Variants in MUC5AC observed in about 807,000 individuals in gnomAD.
The protein encoded by MUC5AC is mucin-5AC.
Under a neutral mutation model 169.7 loss-of-function variants are expected in MUC5AC, and 158 were observed. That is an observed-to-expected ratio of 0.93 (90% CI 0.82 to 1.06). The LOEUF (loss-of-function observed/expected upper bound fraction) is 1.06, where lower values mean the gene tolerates loss of function less well. MUC5AC is among the 50% of genes least tolerant of loss of function. The probability of loss-of-function intolerance (pLI) is 0.00; values close to 1 mark genes in which losing one functional copy is unlikely to be tolerated. For missense variants in MUC5AC, 4,359 were observed against 3,089.9 expected (o/e 1.41, Z -9.74); for synonymous variants, 1,975 against 1,237.0 (o/e 1.60, Z -12.52).
chr11:1,177,175 C>G, intron 22 of MUC5AC, 56 bp from the exon 23 acceptor site: 1 of 398,894 alleles, frequency 2.5e-6, no homozygotes, highest in Non-Finnish European at 4.4e-6. Flanking sequence ...GCCTCATCCT[C>G]CTTGCGGGAA....
rs1860754209 is a variant in MUC5AC at position 1,179,204 on chromosome 11, A to G, written c.3440A>G (p.His1147Arg). 16 of 676,674 alleles carry G rather than the reference A, an allele frequency of 2.4e-5. No individual in the cohort carries two copies. In the East Asian group the frequency reaches 4.3e-4, roughly 18 times the overall value. The allele number at this position is 676,674 out of a possible 1,614,324, so 41.9% of individuals were successfully genotyped here. A position where few individuals can be genotyped will look rare whatever the true frequency, so the allele number is the denominator to read the frequency against. ...TAVAAYAQAC[H>R]EVGLCVSWRT... ...GTGGCCGCCTACGCCCAGGCCTGCCATGAAGTAGGCCTGTGTGTGTCCTGG... is the reference window on the plus strand; with the variant it reads ...GTGGCCGCCTACGCCCAGGCCTGCCGTGAAGTAGGCCTGTGTGTGTCCTGG... Residue 1147 changes from histidine to arginine, a missense_variant, in exon 26 of 49, where the codon CAT (histidine) becomes CGT (arginine). Physicochemically the swap from His to Arg is conservative, Grantham distance 29. Transcript: ENST00000621226.
intron 43 of MUC5AC, among the ~76,000 whole-genome samples, chr11:1,198,516 C>T (rs201324064): frequency 1.3e-5 from 2 of 152,098 alleles, no homozygotes; most frequent in Non-Finnish European, 2.9e-5. Flanking sequence ...GCCTGCCTGG[C>T]TCCGGGGGGC....
rs1469279328 is a variant in MUC5AC at position 1,161,562 on chromosome 11, C to CT, written c.188dup (p.Arg64GlufsTer56). The CT allele has an allele frequency of 6.2e-7, 1 of 1,610,450 alleles. No individual in the cohort carries two copies. Among genetic ancestry groups the CT allele is most frequent in the Non-Finnish European group, 8.5e-7 (1 of 1,178,468 alleles). ...CCGTGGGGCGACTGTCTTCCCATCT[C>CT]TGAGGACCATCCCTGTGGTACGAGG... is the stretch of plus-strand genomic sequence containing the variant. On this transcript the variant is annotated frameshift_variant, in exon 3 of 49. Coordinates refer to ENST00000621226, the MANE Select transcript of MUC5AC (RefSeq NM_001304359.2). LOFTEE classifies it high-confidence loss of function.
In MUC5AC at chr11:1,160,529, G is replaced by A. The variant is rs968209068; in HGVS notation, c.74-83G>A. 4.9e-6 allele frequency: 6 copies of A among 1,215,514 alleles called. No individual in the cohort carries two copies. In the East Asian group the frequency reaches 1.5e-4, roughly 31 times the overall value. 75.3% of individuals were successfully genotyped at this position (1,215,514 alleles called of 1,614,324 possible). Reference sequence around the variant, plus strand: ...CGCACTGTGGCCTCCCGTCCCTCTGGTGTCCATGCTGCATCTGTGGCCGCA... The same window carrying A: ...CGCACTGTGGCCTCCCGTCCCTCTGATGTCCATGCTGCATCTGTGGCCGCA... On this transcript the variant is annotated intron_variant, in intron 1 of 48. Coordinates refer to ENST00000621226, the MANE Select transcript of MUC5AC (RefSeq NM_001304359.2).
chr11:1,181,549 C>T (rs1274310636), intron 30 of MUC5AC, 90 bp downstream of exon 30: 3 of 397,786 alleles, frequency 7.5e-6, no homozygotes, highest in Non-Finnish European at 1.3e-5. Context: ...GTCACAGCAG[C>T]TCTGGGCATG....
At position 1,194,512 on chromosome 11, in the gene MUC5AC, G is replaced by T; in HGVS notation, c.15032G>T (p.Ser5011Ile). 1 of 762,374 alleles carries T rather than the reference G, an allele frequency of 1.3e-6. No individual in the cohort carries two copies. The allele number at this position is 762,374 out of a possible 1,614,324, so 47.2% of individuals were successfully genotyped here. Residue 5011 changes from serine to isoleucine, a missense_variant, in exon 35 of 49, where the codon AGC becomes ATC. Ser to Ile is a moderately radical substitution (Grantham distance 142, BLOSUM62 -2). Transcript: ENST00000621226. Reference protein sequence around the residue: ...NEIIFNNKVVSPGFRKNGIVV... With the variant: ...NEIIFNNKVVIPGFRKNGIVV... The stretch of plus-strand genomic sequence containing the variant: ...ATCATCTTCAACAACAAGGTGGTCA[G>T]CCCCGGCTTCCGGAAAAACGGCATC...
chr11:1,200,573 C>A lies in MUC5AC; in HGVS notation c.16836C>A (p.Cys5612Ter). The change falls in exon 49 of 49, where the codon TGC becomes TGA. Residue 5612 changes from cysteine to a stop codon, truncating the protein, a stop_gained. Coordinates refer to ENST00000621226, the MANE Select transcript of MUC5AC (RefSeq NM_001304359.2). LOFTEE classifies it low-confidence loss of function (END_TRUNC). Reference protein sequence around the residue: ...RAFSYTEVEECGCMGRRCPAP... With the variant: ...RAFSYTEVEE ...TCAGCTACACCGAGGTGGAAGAGTG[C>A]GGCTGCATGGGCCGGCGGTGCCCTG... 1 of 764,554 alleles carries A rather than the reference C, an allele frequency of 1.3e-6. No homozygotes were observed. Among genetic ancestry groups the A allele is most frequent in the East Asian group, 2.4e-5 (1 of 41,210 alleles). 47.4% of individuals were successfully genotyped at this position (764,554 alleles called of 1,614,324 possible).
At chr11:1,176,791 C>T (rs1029874224) in intron 21 of MUC5AC, 126 bp downstream of exon 21, 13 of 398,504 alleles carry the variant, frequency 3.3e-5, no homozygotes, top group African/African-American at 1.6e-4. Flanking sequence ...CAGGGCTGGA[C>T]GCCACCAGCA....
Position 1,169,006 on chromosome 11 carries a change from G to T in MUC5AC, c.1850G>T (p.Cys617Phe). ...ATCAGGAACAGCTTCGAGGACCCCTGCTCTCTGAGCGTGGAGAATGGTACG... is the reference window on the plus strand; with the variant it reads ...ATCAGGAACAGCTTCGAGGACCCCTTCTCTCTGAGCGTGGAGAATGGTACG... The part of the protein sequence containing the change: ...PNIRNSFEDP[C>F]SLSVENEKYA... The change falls in exon 15 of 49, where the codon TGC becomes TTC. Residue 617 changes from cysteine (C) to phenylalanine (F), a missense_variant. By Grantham distance (205) the Cys-to-Phe change is radical. Coordinates refer to ENST00000621226, the MANE Select transcript of MUC5AC (RefSeq NM_001304359.2). 6.3e-7 allele frequency: 1 copy of T among 1,598,178 alleles called. No individual in the cohort carries two copies. The highest frequency in any genetic ancestry group is 8.5e-7 in the Non-Finnish European group (1 of 1,171,636).
rs1860981385 is a variant in MUC5AC, at chr11:1,187,465, G to A, written c.9320G>A (p.Ser3107Asn). Reference protein sequence around the residue: ...TTSTTSAPTTSTTSASTASKT... With the variant: ...TTSTTSAPTTNTTSASTASKT... ...AGCACAACGTCTGCTCCTACAACCAGCACAACCTCTGCCTCTACAGCCAGC... is the reference window on the plus strand; with the variant it reads ...AGCACAACGTCTGCTCCTACAACCAACACAACCTCTGCCTCTACAGCCAGC... Residue 3107 changes from serine to asparagine, a missense_variant, in exon 31 of 49, where the codon AGC becomes AAC. Coordinates refer to ENST00000621226, the MANE Select transcript of MUC5AC (RefSeq NM_001304359.2). 5.5e-6 allele frequency: 4 copies of A among 732,076 alleles called. No homozygotes were observed. Among genetic ancestry groups the A allele is most frequent in the South Asian group, 4.3e-5 (3 of 70,440 alleles). 45.3% of individuals were successfully genotyped at this position (732,076 alleles called of 1,614,324 possible).
intron 36 of MUC5AC, 97 bp from the exon 37 acceptor site, chr11:1,195,779 C>G: frequency 1.5e-6 from 1 of 646,392 alleles, no homozygotes; most frequent in Non-Finnish European, 2.8e-6. Flanking sequence ...CTGGGACTCG[C>G]CTCGCCTGGA....
intron 6 of MUC5AC, among the ~76,000 whole-genome samples, chr11:1,163,643 C>A (rs1860211606): frequency 6.6e-6 from 1 of 152,168 alleles, no homozygotes; most frequent in Admixed American, 6.5e-5. Flanking sequence ...GTGGCCCGGA[C>A]ACCAACCTCC....
Position 1,174,488 on chromosome 11 carries a change from C to T in MUC5AC, c.1966-8C>T, listed in dbSNP as rs889195000. On this transcript the variant is annotated splice_region_variant and splice_polypyrimidine_tract_variant and intron_variant, in intron 16 of 48. Coordinates refer to ENST00000621226, the MANE Select transcript of MUC5AC (RefSeq NM_001304359.2). ...TCTCTGATGCCCCGATGACCCCCTT[C>T]CCTGCAGAACTGCATGTTTGACACC... 1.3e-5 allele frequency: 20 copies of T among 1,523,296 alleles called. No homozygotes were observed. In the East Asian group the frequency reaches 3.0e-4, roughly 23 times the overall value. The allele number at this position is 1,523,296 out of a possible 1,614,324, so 94.4% of individuals were successfully genotyped here.
At chr11:1,171,175 A>G (rs1215460347) in intron 15 of MUC5AC, among the ~76,000 whole-genome samples, 1 of 140,578 alleles carries the variant, frequency 7.1e-6, no homozygotes, top group Non-Finnish European at 1.5e-5. Flanking sequence ...CCATTCACCC[A>G]TTCACACACT....
At chr11:1,177,134 G>A (rs1330701952) in intron 22 of MUC5AC, 68 bp downstream of exon 22, 3 of 398,666 alleles carry the variant, frequency 7.5e-6, no homozygotes, top group Non-Finnish European at 1.3e-5. Flanking sequence ...GCCTCTCTGC[G>A]GCTGCCCCAG....
In MUC5AC at chr11:1,182,351, G is replaced by A. The variant is rs1464892831; in HGVS notation, c.4206G>A (p.Thr1402=). 1.0e-5 allele frequency: 4 copies of A among 398,568 alleles called. No homozygotes were observed. In the Admixed American group the frequency reaches 1.3e-4, roughly 13 times the overall value. 24.7% of individuals were successfully genotyped at this position (398,568 alleles called of 1,614,324 possible). A position where few individuals can be genotyped will look rare whatever the true frequency, so the allele number is the denominator to read the frequency against. Residue 1402 remains threonine (T), a synonymous_variant, in exon 31 of 49, where the codon ACG becomes ACA. Transcript: ENST00000621226. ...WMDVSRPGRG[T]DSGDFDTLEN... Reference sequence around the variant, plus strand: ...ATGTCAGCCGCCCTGGACGGGGCACGGACAGCGGTGACTTCGACACACTGG... The same window carrying A: ...ATGTCAGCCGCCCTGGACGGGGCACAGACAGCGGTGACTTCGACACACTGG...
Position 1,187,125 on chromosome 11 carries a change from A to G in MUC5AC, c.8980A>G (p.Thr2994Ala), listed in dbSNP as rs1434201933. Residue 2994 changes from threonine (T) to alanine (A), a missense_variant, in exon 31 of 49, where the codon ACA becomes GCA. Coordinates refer to ENST00000621226, the MANE Select transcript of MUC5AC (RefSeq NM_001304359.2). ...CACCAGCACAACCTCTGCTCCCACA[A>G]CAAGCACAACCTCTGCCCCTACAAC... is the stretch of plus-strand genomic sequence containing the variant. ...PTTSTTSAPT[T>A]STTSAPTTST... 2.8e-6 allele frequency: 2 copies of G among 721,552 alleles called. No individual in the cohort carries two copies. The highest frequency in any genetic ancestry group is 3.5e-5 in the African/African-American group (2 of 56,612). The allele number at this position is 721,552 out of a possible 1,614,324, so 44.7% of individuals were successfully genotyped here.
intron 9 of MUC5AC, 24 bp from the exon 10 acceptor site, chr11:1,165,278 C>A (rs1426212242): frequency 6.2e-7 from 1 of 1,602,048 alleles, no homozygotes; most frequent in East Asian, 2.2e-5. Context: ...AGGCGCCCGT[C>A]ATAGGCCTGC....
At position 1,184,870 on chromosome 11, in the gene MUC5AC, A is replaced by T. The variant is rs1487957917; in HGVS notation, c.6725A>T (p.Gln2242Leu). The T allele has an allele frequency of 1.6e-6, 1 of 637,656 alleles. No individual in the cohort carries two copies. Among genetic ancestry groups the T allele is most frequent in the Non-Finnish European group, 2.8e-6 (1 of 357,456 alleles). 39.5% of individuals were successfully genotyped at this position (637,656 alleles called of 1,614,324 possible). ...AGTGGGAGAGCCACCAGCCCAACTC[A>T]GAGCACCTCCTCTTGGCAGAAATCC... ...TPSGRATSPT[Q>L]STSSWQKSRT... The change falls in exon 31 of 49, where the codon CAG (glutamine) becomes CTG (leucine). Residue 2242 changes from glutamine (Q) to leucine (L), a missense_variant. Physicochemically the swap from Gln to Leu is moderately radical, Grantham distance 113. Transcript: ENST00000621226.
Sources: gnomAD v4.1 joint callset for allele counts (sites outside exome capture counted in the v4.1 genomes callset) on GRCh38, gnomAD v4.1.1 for gene constraint, MANE v1.5 for transcripts, NCBI Gene and HGNC (gene_info 2026-07-23, HGNC 2026-07-21) for gene names.